DDX21: variants seen among roughly 807,000 people sequenced by gnomAD.
DDX21 encodes DExD-box helicase 21, also known as nucleolar RNA helicase 2.
A neutral mutation model predicts 90.0 loss-of-function variants in DDX21; 18 were observed. That is an observed-to-expected ratio of 0.20 (90% CI 0.14 to 0.30). The LOEUF is 0.30. Among genes scored for constraint, DDX21 ranks in the 10% least tolerant of loss-of-function variants. The probability of loss-of-function intolerance (pLI) is 1.00; values close to 1 mark genes in which losing one functional copy is unlikely to be tolerated. For synonymous variants in DDX21, 294 were observed against 318.0 expected (o/e 0.92, Z 0.80); for missense variants, 673 against 944.5 (o/e 0.71, Z 3.77).
intron 6 of DDX21, among the ~76,000 whole-genome samples, chr10:68,967,723 T>C (rs1483221175): frequency 1.3e-5 from 2 of 152,342 alleles, no homozygotes; most frequent in East Asian, 3.9e-4. Flanking sequence ...TTATTGTATA[T>C]ATGTGTTGAT....
intron 13 of DDX21, among the ~76,000 whole-genome samples, chr10:68,979,662 C>T (rs568636421): frequency 6.6e-6 from 1 of 152,310 alleles, no homozygotes; most frequent in Admixed American, 6.5e-5. Context: ...GGCGAAGCCC[C>T]TAAAAGATCT....
intron 3 of DDX21, 113 bp from the exon 4 acceptor site, chr10:68,963,178 T>C: frequency 9.2e-7 from 1 of 1,091,848 alleles, no homozygotes; most frequent in Non-Finnish European, 1.3e-6. Context: ...GACCAGAAGG[T>C]AGAATTCCTT....
chr10:68,973,288 G>A lies in DDX21; in HGVS notation c.1549-257G>A, dbSNP rs142775306. Among the ~76,000 whole-genome samples the A allele has an allele frequency of 3.3e-3, 502 of 152,234 alleles. 2 individuals are homozygous for A. Among genetic ancestry groups the A allele is most frequent in the Non-Finnish European group, 4.7e-3 (321 of 68,012 alleles). ...TCTGTCTACTGGAAGACTGAAAATT[G>A]GAATTACATATATGCCTCTAATGGA... On this transcript the variant is annotated intron_variant, in intron 9 of 14. Coordinates refer to ENST00000354185, the MANE Select transcript of DDX21 (RefSeq NM_004728.4).
At chr10:68,968,374 G>C (rs1038570994) in intron 6 of DDX21, among the ~76,000 whole-genome samples, 5 of 152,122 alleles carry the variant, frequency 3.3e-5, no homozygotes, top group African/African-American at 7.2e-5. Context: ...GGCTTGTCTT[G>C]ATTCCTGGCC....
At position 68,979,064 on chromosome 10, in the gene DDX21, A is replaced by G. The variant is rs1843149922; in HGVS notation, c.2037+88A>G. ...TGTGGGTTCTTCCTGTTCTGTGGGG[A>G]TGCTGCATCTCTTCACTCTCTCATC... On this transcript the variant is annotated intron_variant, in intron 13 of 14. Transcript: ENST00000354185. The G allele has an allele frequency of 1.9e-6, 3 of 1,539,574 alleles. No individual in the cohort carries two copies. The African/African-American group carries it at 4.1e-5, about 21-fold the overall frequency.
In DDX21 at chr10:68,960,076, C is replaced by T. The variant is rs748329959; in HGVS notation, c.358C>T (p.Pro120Ser). Residue 120 changes from proline (P) to serine (S), a missense_variant, in exon 2 of 15, where the codon CCT (proline) becomes TCT (serine). Around this residue, in one of 4 missense-constraint regions of DDX21, gnomAD observed 204 missense variants for 221.6 expected, o/e 0.92. Coordinates refer to ENST00000354185, the MANE Select transcript of DDX21 (RefSeq NM_004728.4). ...KTKKVTKNEE[P>S]SEEEIDAPKP... ...CAAAAAAGTGACAAAAAATGAGGAG[C>T]CTTCTGAGGAAGAAATAGATGCTCC... The T allele has an allele frequency of 2.5e-6, 4 of 1,609,050 alleles. No individual in the cohort carries two copies. In the African/African-American group the frequency reaches 5.4e-5, roughly 22 times the overall value.
At position 68,983,076 on chromosome 10, in the gene DDX21, G is replaced by T; in HGVS notation, c.*264G>T. 1 of 484,762 alleles carries T rather than the reference G, an allele frequency of 2.1e-6. No individual in the cohort carries two copies. The highest frequency in any genetic ancestry group is 3.7e-6 in the Non-Finnish European group (1 of 272,796). 30.0% of individuals were successfully genotyped at this position (484,762 alleles called of 1,614,324 possible). On this transcript the variant is annotated 3_prime_UTR_variant, in exon 15 of 15. Coordinates refer to ENST00000354185, the MANE Select transcript of DDX21 (RefSeq NM_004728.4). Reference sequence around the variant, plus strand: ...ACATTTTTATTCTAATGTATTATCTGTAGATTAGAAGATAAAATCAAGCAT... The same window carrying T: ...ACATTTTTATTCTAATGTATTATCTTTAGATTAGAAGATAAAATCAAGCAT...
In DDX21 at chr10:68,966,121, C is replaced by T. The variant is rs371287217; in HGVS notation, c.904+627C>T. On this transcript the variant is annotated intron_variant, in intron 5 of 14. Coordinates refer to ENST00000354185, the MANE Select transcript of DDX21 (RefSeq NM_004728.4). ...ACCATCCTGGCTAACACGGTAAAAC[C>T]CCGTCTCTACTAAAAATACAAAAAA... Among the ~76,000 whole-genome samples, 55 of 150,788 alleles carry T rather than the reference C, an allele frequency of 3.6e-4. 1 individual carries two copies. The East Asian group carries it at 1.0e-2, about 27-fold the overall frequency.
chr10:68,969,100 G>A lies in DDX21; in HGVS notation c.1215G>A (p.Gln405=). The stretch of plus-strand genomic sequence containing the variant: ...TGGACCTGATTGGTAAAAAGACTCA[G>A]AAAACGGCAATAACTGTGGAGGTAA... ...EQVDLIGKKT[Q]KTAITVEHLA... Residue 405 remains glutamine (Q), a synonymous_variant, in exon 7 of 15, where the codon CAG becomes CAA. Coordinates refer to ENST00000354185, the MANE Select transcript of DDX21 (RefSeq NM_004728.4). 6.2e-7 allele frequency: 1 copy of A among 1,611,834 alleles called. No homozygotes were observed. The highest frequency in any genetic ancestry group is 8.5e-7 in the Non-Finnish European group (1 of 1,179,554).
In DDX21 at chr10:68,969,060, C is replaced by A. The variant is rs781389836; in HGVS notation, c.1175C>A (p.Ser392Tyr). Reference sequence around the variant, plus strand: ...AATGTTGCCAAGAAATACATGAAATCTACATATGAACAGGTGGACCTGATT... The same window carrying A: ...AATGTTGCCAAGAAATACATGAAATATACATATGAACAGGTGGACCTGATT... Reference protein sequence around the residue: ...VFNVAKKYMKSTYEQVDLIGK... With the variant: ...VFNVAKKYMKYTYEQVDLIGK... The change falls in exon 7 of 15, where the codon TCT becomes TAT. Residue 392 changes from serine (S) to tyrosine (Y), a missense_variant. Ser to Tyr is a moderately radical substitution (Grantham distance 144). Transcript: ENST00000354185. 6.2e-7 allele frequency: 1 copy of A among 1,613,938 alleles called. No individual in the cohort carries two copies. The highest frequency in any genetic ancestry group is 2.2e-5 in the East Asian group (1 of 44,858).
At chr10:68,966,936 A>T (rs1842947309) in intron 5 of DDX21, 82 bp from the exon 6 acceptor site, 1 of 1,162,000 alleles carries the variant, frequency 8.6e-7, no homozygotes, top group Admixed American at 2.4e-5. Context: ...ATTTTAGAGT[A>T]ACAATACAGT....
chr10:68,958,167 G>C (rs1842825779), intron 1 of DDX21, among the ~76,000 whole-genome samples: 1 of 151,986 alleles, frequency 6.6e-6, no homozygotes, highest in Non-Finnish European at 1.5e-5. Context: ...GCCCAGGCTT[G>C]TTCTCCATGT....
chr10:68,974,735 T>A lies in DDX21; in HGVS notation c.1734T>A (p.Asp578Glu), dbSNP rs759516872. 2 of 1,613,612 alleles carry A rather than the reference T, an allele frequency of 1.2e-6. No homozygotes were observed. Among genetic ancestry groups the A allele is most frequent in the Non-Finnish European group, 1.7e-6 (2 of 1,179,672 alleles). Residue 578 changes from aspartate (D) to glutamate (E), a missense_variant, in exon 11 of 15, where the codon GAT becomes GAA. Physicochemically the swap from Asp to Glu is conservative, Grantham distance 45. Coordinates refer to ENST00000354185, the MANE Select transcript of DDX21 (RefSeq NM_004728.4). ...AAATAATAAAAGCTTCCAGCAAAGA[T>A]GCCATCAGGTATGTTCCCTACCACT... ...ATEIIKASSKDAIRLLDSVPP... is the reference protein window; with the variant it reads ...ATEIIKASSKEAIRLLDSVPP...
chr10:68,956,324 G>C lies in DDX21; in HGVS notation c.87+12G>C. ...AGCAAACCGAGGAGGTGAAACGGAG[G>C]GACCTGGGGCCAGGAGGGACGCTGA... On this transcript the variant is annotated intron_variant, in intron 1 of 14. Transcript: ENST00000354185. 1.2e-6 allele frequency: 2 copies of C among 1,614,042 alleles called. No homozygotes were observed. The highest frequency in any genetic ancestry group is 1.7e-6 in the Non-Finnish European group (2 of 1,179,942).
At chr10:68,982,398 C>T in intron 14 of DDX21, 145 bp from the exon 15 acceptor site, 6 of 1,148,678 alleles carry the variant, frequency 5.2e-6, no homozygotes, top group Non-Finnish European at 7.2e-6. Flanking sequence ...TGATGGGTGG[C>T]CAGTGTTATT....
chr10:68,967,361 GT>G (rs1337415785), intron 6 of DDX21, among the ~76,000 whole-genome samples, 158 bp downstream of exon 6: 1 of 152,016 alleles, frequency 6.6e-6, no homozygotes, highest in Non-Finnish European at 1.5e-5. Flanking sequence ...TAGAGATGGG[GT>G]TTTGCCATAT....
At chr10:68,978,336 A>T (rs958674749) in intron 12 of DDX21, among the ~76,000 whole-genome samples, 2 of 152,150 alleles carry the variant, frequency 1.3e-5, no homozygotes, top group Non-Finnish European at 2.9e-5. Context: ...ATACTAAAAC[A>T]AACAAAAAAA....
In DDX21 at chr10:68,970,320, G is replaced by A; in HGVS notation, c.1356G>A (p.Gln452=). The A allele has an allele frequency of 1.2e-6, 2 of 1,614,050 alleles. No homozygotes were observed. Among genetic ancestry groups the A allele is most frequent in the Non-Finnish European group, 1.7e-6 (2 of 1,179,990 alleles). ...IIFCETKKEA[Q]ELSQNSAIKQ... is the part of the protein sequence containing the mutation. ...TTTGTGAAACCAAGAAAGAAGCCCA[G>A]GAGCTGTCCCAGAATTCAGCTATAA... The change falls in exon 8 of 15, where the codon CAG becomes CAA. Residue 452 remains glutamine, a synonymous_variant. Coordinates refer to ENST00000354185, the MANE Select transcript of DDX21 (RefSeq NM_004728.4).
At chr10:68,964,270 T>C (rs1340937744) in intron 4 of DDX21, among the ~76,000 whole-genome samples, 1 of 152,120 alleles carries the variant, frequency 6.6e-6, no homozygotes, top group Non-Finnish European at 1.5e-5. Flanking sequence ...TGTAGTCACT[T>C]TGGCTGTGGG....
Sources: allele counts gnomAD v4.1 joint callset (sites outside exome capture counted in the v4.1 genomes callset), GRCh38; gene constraint gnomAD v4.1.1; regional missense constraint gnomAD v4.1.1; transcripts MANE v1.5; gene names NCBI Gene and HGNC (gene_info 2026-07-23, HGNC 2026-07-21).